Variants in RREB1 observed in about 807,000 individuals in gnomAD.
The protein encoded by RREB1 is ras-responsive element-binding protein 1.
RREB1 carries 27 observed loss-of-function variants against 117.8 expected under a neutral mutation model. The ratio of observed to expected loss-of-function variants is 0.23; its 90% confidence interval spans 0.17 to 0.32. The LOEUF is 0.32. Among genes scored for constraint, RREB1 ranks in the 10% least tolerant of loss-of-function variants. The probability of loss-of-function intolerance (pLI) is 1.00; values close to 1 mark genes in which losing one functional copy is unlikely to be tolerated. For synonymous variants in RREB1, 1,298 were observed against 1,026.7 expected, an observed-to-expected ratio of 1.26 and a Z score of -5.05; for missense variants, 2,577 against 2,378.2, an observed-to-expected ratio of 1.08 and a Z score of -1.74.
intron 1 of RREB1, among the ~76,000 whole-genome samples, chr6:7,127,511 GT>G (rs1404544154): frequency 6.6e-6 from 1 of 152,142 alleles, no homozygotes; most frequent in African/African-American, 2.4e-5. Context: ...TGTTGTACTA[GT>G]TGGTACTTAC....
chr6:7,218,604 G>C (rs1323099456), intron 8 of RREB1: 1 of 152,104 alleles, frequency 6.6e-6, no homozygotes, highest in Non-Finnish European at 1.5e-5. Context: ...TCAGTTACTG[G>C]CTACAGATTG....
intron 1 of RREB1, among the ~76,000 whole-genome samples, chr6:7,158,166 ACTT>A (rs1355777355): frequency 1.3e-5 from 2 of 151,788 alleles, no homozygotes; most frequent in African/African-American, 4.8e-5. Flanking sequence ...ACAATCTAAA[ACTT>A]CTTCCCAAGC....
intron 10 of RREB1, among the ~76,000 whole-genome samples, chr6:7,233,430 T>A (rs1581580790): frequency 1.3e-5 from 2 of 152,250 alleles, no homozygotes; most frequent in Admixed American, 6.5e-5. Flanking sequence ...TTTTGGAGTT[T>A]ACAACCAAAA....
intron 1 of RREB1, among the ~76,000 whole-genome samples, chr6:7,108,972 G>A (rs1760990956): frequency 1.3e-5 from 2 of 151,492 alleles, no homozygotes; most frequent in South Asian, 2.1e-4. Flanking sequence ...TCCGTTGGCG[G>A]GGTGAGTGTT....
In RREB1 at chr6:7,136,775, T is replaced by G. The variant is rs1762364773; in HGVS notation, c.-285+28715T>G. On this transcript the variant is annotated intron_variant, in intron 1 of 12. Transcript: ENST00000379938. The stretch of plus-strand genomic sequence containing the variant: ...ATATCTTTATTCAGGATGAACTGAG[T>G]TCTGAAGCCTGATGTTTTCAAGAGT... 2.0e-5 allele frequency among the ~76,000 whole-genome samples: 3 copies of G among 152,274 alleles called. No individual in the cohort carries two copies. The South Asian group carries it at 6.2e-4, about 32-fold the overall frequency.
chr6:7,116,348 A>G (rs1019045097), intron 1 of RREB1, among the ~76,000 whole-genome samples: 2 of 148,800 alleles, frequency 1.3e-5, no homozygotes, highest in African/African-American at 5.0e-5. Flanking sequence ...AAAATTTTGT[A>G]CTCTTTTTTT....
Position 7,230,943 on chromosome 6 carries a change from G to A in RREB1, c.2844G>A (p.Lys948=). The change falls in exon 10 of 13, where the codon AAG becomes AAA. Residue 948 remains lysine (K), a synonymous_variant. Coordinates refer to ENST00000379938, the MANE Select transcript of RREB1 (RefSeq NM_001003699.4). ...SIPKNFRKGD[K]DLATPSEAKK... is the part of the protein sequence containing the mutation. ...CCAAGAACTTCAGGAAAGGGGACAAGGATTTGGCCACTCCCAGCGAAGCCA... is the reference window on the plus strand; with the variant it reads ...CCAAGAACTTCAGGAAAGGGGACAAAGATTTGGCCACTCCCAGCGAAGCCA... 6.2e-7 allele frequency: 1 copy of A among 1,614,004 alleles called. No homozygotes were observed. The highest frequency in any genetic ancestry group is 1.1e-5 in the South Asian group (1 of 91,054).
chr6:7,157,158 G>A (rs577363037), intron 1 of RREB1, among the ~76,000 whole-genome samples: 1 of 152,286 alleles, frequency 6.6e-6, no homozygotes, highest in Admixed American at 6.5e-5. Flanking sequence ...TTGGCTGGGC[G>A]CGGTGGCTCA....
intron 1 of RREB1, among the ~76,000 whole-genome samples, chr6:7,130,741 C>G (rs1305575249): frequency 1.3e-5 from 2 of 151,254 alleles, no homozygotes; most frequent in Non-Finnish European, 2.9e-5. Context: ...CTTAGTCTCC[C>G]GAGTAGCTGG....
At chr6:7,144,694 T>G (rs1762780601) in intron 1 of RREB1, among the ~76,000 whole-genome samples, 1 of 152,234 alleles carries the variant, frequency 6.6e-6, no homozygotes, top group Non-Finnish European at 1.5e-5. Context: ...CTACTGTGCT[T>G]TACATATTCA....
At position 7,231,434 on chromosome 6, in the gene RREB1, C is replaced by T. The variant is rs1360154614; in HGVS notation, c.3335C>T (p.Ala1112Val). Residue 1112 changes from alanine (A) to valine (V), a missense_variant, in exon 10 of 13, where the codon GCC (alanine) becomes GTC (valine). Transcript: ENST00000379938. Reference protein sequence around the residue: ...DSLGGSVPKAATTATPAATTS... With the variant: ...DSLGGSVPKAVTTATPAATTS... Reference sequence around the variant, plus strand: ...TTAGGAGGTTCTGTCCCCAAAGCCGCCACCACCGCCACCCCCGCTGCCACC... The same window carrying T: ...TTAGGAGGTTCTGTCCCCAAAGCCGTCACCACCGCCACCCCCGCTGCCACC... 1.8e-5 allele frequency: 29 copies of T among 1,612,246 alleles called. No homozygotes were observed. The highest frequency in any genetic ancestry group is 2.7e-5 in the African/African-American group (2 of 74,852).
At chr6:7,178,273 A>T (rs1203802109) in intron 2 of RREB1, among the ~76,000 whole-genome samples, 3 of 152,174 alleles carry the variant, frequency 2.0e-5, no homozygotes. Context: ...AGAAAGAAAA[A>T]AATGCTTTGT....
chr6:7,250,231 A>C lies in RREB1; in HGVS notation c.*1263A>C, dbSNP rs1314022115. 4 of 152,190 alleles carry C rather than the reference A, an allele frequency of 2.6e-5. No homozygotes were observed. Among genetic ancestry groups the C allele is most frequent in the African/African-American group, 9.7e-5 (4 of 41,426 alleles). 9.4% of individuals were successfully genotyped at this position (152,190 alleles called of 1,614,324 possible). On this transcript the variant is annotated 3_prime_UTR_variant, in exon 13 of 13. Transcript: ENST00000379938. ...GCTAAGCCTAATCCAAGCCTTACCC[A>C]GCTGTGCTACTGTCATTTGCAAAGC...
In RREB1 at chr6:7,247,088, T is replaced by C. The variant is rs1581600760; in HGVS notation, c.4638T>C (p.Asp1546=). The part of the protein sequence containing the change: ...AEKRSSEKSD[D]DKKPKTDSPK... ...AAAGGTCCTCAGAGAAGAGCGACGA[T>C]GACAAGAAACCAAAGACAGACTCCC... The change falls in exon 12 of 13, where the codon GAT becomes GAC. Residue 1546 remains aspartate, a synonymous_variant. Coordinates refer to ENST00000379938, the MANE Select transcript of RREB1 (RefSeq NM_001003699.4). 4.3e-6 allele frequency: 7 copies of C among 1,613,286 alleles called. No homozygotes were observed. The African/African-American group carries it at 8.0e-5, about 18-fold the overall frequency.
chr6:7,142,220 T>TAAA (rs34787582), intron 1 of RREB1, among the ~76,000 whole-genome samples: 11 of 141,056 alleles, frequency 7.8e-5, no homozygotes, highest in African/African-American at 2.9e-4. Flanking sequence ...CGTCTTAATT[T>TAAA]AAAAAAAAAA....
At chr6:7,132,977 A>G (rs1762213903) in intron 1 of RREB1, among the ~76,000 whole-genome samples, 1 of 152,238 alleles carries the variant, frequency 6.6e-6, no homozygotes, top group East Asian at 1.9e-4. Flanking sequence ...TCTTTGCTAT[A>G]CTATCCATCA....
In RREB1 at chr6:7,229,844, C is replaced by T. The variant is rs773791350; in HGVS notation, c.1745C>T (p.Pro582Leu). The T allele has an allele frequency of 9.9e-6, 16 of 1,609,900 alleles. No homozygotes were observed. In the Admixed American group the frequency reaches 2.3e-4, roughly 24 times the overall value. ...HAATRLSLQQ[P>L]RAELPGQPEM... ...GCCACGCGGCTCTCCCTGCAGCAGC[C>T]GCGGGCGGAGCTGCCGGGCCAGCCT... The change falls in exon 10 of 13, where the codon CCG becomes CTG. Residue 582 changes from proline to leucine, a missense_variant. Physicochemically the swap from Pro to Leu is moderately conservative, Grantham distance 98. Coordinates refer to ENST00000379938, the MANE Select transcript of RREB1 (RefSeq NM_001003699.4). The surrounding 1 kb of genome is among the most constrained non-coding windows in gnomAD (Gnocchi z 4.5).
At chr6:7,173,600 C>T (rs1202380273) in intron 1 of RREB1, among the ~76,000 whole-genome samples, 2 of 151,772 alleles carry the variant, frequency 1.3e-5, no homozygotes, top group African/African-American at 4.8e-5. Flanking sequence ...AGTTCAAGAC[C>T]CACCTGGGCA....
Position 7,230,404 on chromosome 6 carries a change from C to A in RREB1, c.2305C>A (p.Arg769Ser). 6.3e-7 allele frequency: 1 copy of A among 1,591,252 alleles called. No individual in the cohort carries two copies. Among genetic ancestry groups the A allele is most frequent in the East Asian group, 2.2e-5 (1 of 44,638 alleles). Residue 769 changes from arginine (R) to serine (S), a missense_variant, in exon 10 of 13, where the codon CGC becomes AGC. Arg to Ser is a moderately radical substitution (Grantham distance 110). Coordinates refer to ENST00000379938, the MANE Select transcript of RREB1 (RefSeq NM_001003699.4). ...GGACCTCAAGCACTATCGTGCCCTGCGCATCCACATGCGCACGCACTGCGG... is the reference window on the plus strand; with the variant it reads ...GGACCTCAAGCACTATCGTGCCCTGAGCATCCACATGCGCACGCACTGCGG... ...GEDLKHYRAL[R>S]IHMRTHCGRG...
Sources: gnomAD v4.1 joint callset for allele counts (sites outside exome capture counted in the v4.1 genomes callset) on GRCh38, gnomAD v4.1.1 for gene constraint, Gnocchi (gnomAD v3.1) non-coding constraint, MANE v1.5 for transcripts, NCBI Gene and HGNC (gene_info 2026-07-23, HGNC 2026-07-21) for gene names.